Variants in RBFOX3 observed in about 807,000 individuals in gnomAD.
RBFOX3 encodes RNA binding fox-1 homolog 3.
In RBFOX3, 17 loss-of-function variants were observed where a neutral mutation model predicts 48.7. That is an observed-to-expected ratio of 0.35 (90% CI 0.24 to 0.52). The LOEUF is 0.52. Ranked by LOEUF, RBFOX3 falls within the 20% of genes least tolerant of loss-of-function variation. RBFOX3 has a pLI of 0.94. For missense variants in RBFOX3, 382 were observed against 497.5 expected, an observed-to-expected ratio of 0.77 and a Z score of 2.21; for synonymous variants, 212 against 209.5, an observed-to-expected ratio of 1.01 and a Z score of -0.10.
At chr17:79,644,328 C>T in the RBFOX3 span, among the ~76,000 whole-genome samples, 6 of 151,932 alleles carry the variant, frequency 3.9e-5, no homozygotes, top group Non-Finnish European at 5.9e-5. Flanking sequence ...TTTATGAGGC[C>T]AACATAACTA....
At chr17:79,496,916 G>A (rs1013350751) in intron 1 of RBFOX3, among the ~76,000 whole-genome samples, 1 of 152,202 alleles carries the variant, frequency 6.6e-6, no homozygotes, top group Non-Finnish European at 1.5e-5. Context: ...GAGTGATTTG[G>A]GTGTTACCTG....
chr17:79,635,424 C>G, the RBFOX3 span, among the ~76,000 whole-genome samples: 1 of 152,166 alleles, frequency 6.6e-6, no homozygotes, highest in African/African-American at 2.4e-5. Flanking sequence ...TTCCCTGCCA[C>G]GTTCCCTTCC....
chr17:79,434,742 G>A (rs1052534916), intron 2 of RBFOX3, among the ~76,000 whole-genome samples: 21 of 152,168 alleles, frequency 1.4e-4, no homozygotes, highest in Admixed American at 3.9e-4. Flanking sequence ...TCAATTCATA[G>A]TACTTCAAAA....
intron 4 of RBFOX3, among the ~76,000 whole-genome samples, chr17:79,121,642 G>T (rs1362655015): frequency 3.9e-5 from 6 of 152,124 alleles, no homozygotes; most frequent in Non-Finnish European, 8.8e-5. Context: ...GCCATAGTTG[G>T]TGGCTCCTCT....
chr17:79,426,418 T>C (rs1279236867), intron 2 of RBFOX3, among the ~76,000 whole-genome samples: 2 of 152,058 alleles, frequency 1.3e-5, no homozygotes, highest in Non-Finnish European at 2.9e-5. Flanking sequence ...CCCTGAGAGG[T>C]GACAACAATG....
the RBFOX3 span, among the ~76,000 whole-genome samples, chr17:79,633,606 T>C: frequency 6.6e-6 from 1 of 152,112 alleles, no homozygotes; most frequent in Admixed American, 6.5e-5. Context: ...CTGTTTTTTT[T>C]TTTAACTGTA....
chr17:79,454,288 A>AC (rs1451449811), intron 2 of RBFOX3, among the ~76,000 whole-genome samples: 1 of 151,528 alleles, frequency 6.6e-6, no homozygotes, highest in African/African-American at 2.4e-5. Flanking sequence ...TCCTCAGCAT[A>AC]CCCCCAAATC....
At chr17:79,507,543 C>T (rs2083353197) in intron 1 of RBFOX3, among the ~76,000 whole-genome samples, 1 of 152,114 alleles carries the variant, frequency 6.6e-6, no homozygotes, top group African/African-American at 2.4e-5. Flanking sequence ...TCCTACTCCC[C>T]TGCCATTGTC....
At chr17:79,096,624 A>G in intron 12 of RBFOX3, 29 bp downstream of exon 12, 1 of 916,594 alleles carries the variant, frequency 1.1e-6, no homozygotes, top group Non-Finnish European at 1.7e-6. Flanking sequence ...GCCTGATCCC[A>G]CCCTCCCTCC....
rs1000262475 is a variant in RBFOX3 at position 79,372,542 on chromosome 17, G to A, written c.-174-64718C>T. On this transcript the variant is annotated intron_variant, in intron 2 of 14. Transcript: ENST00000693108. Reference sequence around the variant, plus strand: ...GCCTGGCCCGGGCTCCCACCCCTGCGGGTCTTTCTCCATTCTAAATCCCCC... The same window carrying A: ...GCCTGGCCCGGGCTCCCACCCCTGCAGGTCTTTCTCCATTCTAAATCCCCC... 3.3e-5 allele frequency among the ~76,000 whole-genome samples: 5 copies of A among 151,852 alleles called. No homozygotes were observed. The East Asian group carries it at 5.9e-4, about 18-fold the overall frequency.
intron 2 of RBFOX3, among the ~76,000 whole-genome samples, chr17:79,365,851 G>C (rs1449419007): frequency 6.6e-6 from 1 of 152,246 alleles, no homozygotes; most frequent in African/African-American, 2.4e-5. Context: ...GAGAGGGAAG[G>C]GGGCTTGCCA....
chr17:79,620,589 A>T, the RBFOX3 span, among the ~76,000 whole-genome samples: 1 of 87,208 alleles, frequency 1.1e-5, no homozygotes, highest in African/African-American at 3.8e-5. Context: ...ACGCACGCAC[A>T]CACACGCACG....
chr17:79,521,605 G>A (rs1192723239), intron 1 of RBFOX3, among the ~76,000 whole-genome samples: 4 of 122,418 alleles, frequency 3.3e-5, no homozygotes, highest in South Asian at 2.1e-4. Context: ...ATGCAGACAC[G>A]TGTAGACACA....
intron 1 of RBFOX3, among the ~76,000 whole-genome samples, chr17:79,493,953 C>A (rs1363358875): frequency 6.6e-6 from 1 of 152,028 alleles, no homozygotes; most frequent in Non-Finnish European, 1.5e-5. Flanking sequence ...CTGAAGTTGA[C>A]CCAGACCAGC....
chr17:79,160,842 T>C (rs1223725028), intron 4 of RBFOX3, among the ~76,000 whole-genome samples: 1 of 152,060 alleles, frequency 6.6e-6, no homozygotes, highest in Admixed American at 6.6e-5. Context: ...TAGCCAGGCA[T>C]GGTGACGCAC....
intron 2 of RBFOX3, among the ~76,000 whole-genome samples, chr17:79,397,707 C>G (rs999465673): frequency 6.6e-6 from 1 of 152,142 alleles, no homozygotes; most frequent in Non-Finnish European, 1.5e-5. Context: ...TGAGATAAAC[C>G]AGCTGCATCA....
intron 9 of RBFOX3, among the ~76,000 whole-genome samples, chr17:79,100,670 C>T (rs550961355): frequency 1.4e-4 from 22 of 152,330 alleles, no homozygotes; most frequent in Non-Finnish European, 2.8e-4. Flanking sequence ...CTAGGGGCAG[C>T]GCTGAGGCTT....
chr17:79,625,137 TG>T, the RBFOX3 span, among the ~76,000 whole-genome samples: 4 of 152,130 alleles, frequency 2.6e-5, no homozygotes, highest in Non-Finnish European at 4.4e-5. Context: ...CCTCCTGCCC[TG>T]ATGTGCCCTC....
intron 1 of RBFOX3, among the ~76,000 whole-genome samples, chr17:79,562,726 A>G (rs2092293716): frequency 6.6e-6 from 1 of 152,160 alleles, no homozygotes; most frequent in Non-Finnish European, 1.5e-5. Flanking sequence ...GGCTGGAGAT[A>G]AGGGAATCGG....
Sources: gnomAD v4.1 joint callset for allele counts (sites outside exome capture counted in the v4.1 genomes callset) on GRCh38, gnomAD v4.1.1 for gene constraint, MANE v1.5 for transcripts, NCBI Gene and HGNC (gene_info 2026-07-23, HGNC 2026-07-21) for gene names.